Variants in NHLRC2 observed in about 807,000 individuals in gnomAD.
The protein encoded by NHLRC2 is NHL repeat-containing protein 2.
In NHLRC2, 33 loss-of-function variants were observed where a neutral mutation model predicts 68.1. The observed-to-expected ratio is 0.48, with a 90% CI of 0.37 to 0.65. The LOEUF (loss-of-function observed/expected upper bound fraction) is 0.65. Ranked by LOEUF, NHLRC2 falls within the 30% of genes least tolerant of loss-of-function variation. The pLI, the probability that NHLRC2 is intolerant of heterozygous loss-of-function variation, is 0.00. For missense variants in NHLRC2, 761 were observed against 853.8 expected, an observed-to-expected ratio of 0.89 and a Z score of 1.35; for synonymous variants, 311 against 309.6, an observed-to-expected ratio of 1.00 and a Z score of -0.05.
intron 5 of NHLRC2, among the ~76,000 whole-genome samples, chr10:113,894,845 A>T (rs1270991126): frequency 6.6e-6 from 1 of 152,148 alleles, no homozygotes; most frequent in East Asian, 1.9e-4. Flanking sequence ...GCCCTATCAG[A>T]TCCCAGATCC....
chr10:113,878,613 C>T (rs1460938235), intron 3 of NHLRC2, among the ~76,000 whole-genome samples: 2 of 152,080 alleles, frequency 1.3e-5, no homozygotes, highest in African/African-American at 4.8e-5. Context: ...CTGCAGCCTC[C>T]ACCTCCTGGG....
intron 5 of NHLRC2, among the ~76,000 whole-genome samples, chr10:113,894,600 A>G (rs1437203014): frequency 6.6e-6 from 1 of 151,712 alleles, no homozygotes; most frequent in East Asian, 1.9e-4. Context: ...TAGGACCTCC[A>G]TAAGGTGTTA....
Position 113,911,155 on chromosome 10 carries a change from G to A in NHLRC2, c.*2619G>A, listed in dbSNP as rs180722231. The A allele has an allele frequency of 1.9e-4, 29 of 152,052 alleles. No individual in the cohort carries two copies. The highest frequency in any genetic ancestry group is 7.0e-4 in the African/African-American group (29 of 41,512). 9.4% of individuals were successfully genotyped at this position (152,052 alleles called of 1,614,324 possible). A position where few individuals can be genotyped will look rare whatever the true frequency, so the allele number is the denominator to read the frequency against. ...ACCTCACTTGAAATGCCAGTAATGT[G>A]GTATTACACACATTTTATATAATAC... On this transcript the variant is annotated 3_prime_UTR_variant, in exon 11 of 11. Coordinates refer to ENST00000369301, the MANE Select transcript of NHLRC2 (RefSeq NM_198514.4).
At chr10:113,895,875 A>G (rs1846171845) in intron 5 of NHLRC2, among the ~76,000 whole-genome samples, 1 of 152,230 alleles carries the variant, frequency 6.6e-6, no homozygotes, top group Non-Finnish European at 1.5e-5. Context: ...TTCATTGAGA[A>G]AAATGGGAGA....
rs2134751207 is a variant in NHLRC2, at chr10:113,915,357, C to T, written c.*6821C>T. 2 of 400,434 alleles carry T rather than the reference C, an allele frequency of 5.0e-6. No homozygotes were observed. The highest frequency in any genetic ancestry group is 5.5e-5 in the Admixed American group (2 of 36,082). The allele number at this position is 400,434 out of a possible 1,614,324, so 24.8% of individuals were successfully genotyped here. A position where few individuals can be genotyped will look rare whatever the true frequency, so the allele number is the denominator to read the frequency against. Reference sequence around the variant, plus strand: ...AAAAGCATTCTTGTAACTGTCAGGGCATGGTATGAATTCCTTCCTCTTTAA... The same window carrying T: ...AAAAGCATTCTTGTAACTGTCAGGGTATGGTATGAATTCCTTCCTCTTTAA... On this transcript the variant is annotated 3_prime_UTR_variant, in exon 11 of 11. Coordinates refer to ENST00000369301, the MANE Select transcript of NHLRC2 (RefSeq NM_198514.4).
At chr10:113,866,943 A>G (rs905119796) in intron 2 of NHLRC2, among the ~76,000 whole-genome samples, 1 of 152,114 alleles carries the variant, frequency 6.6e-6, no homozygotes, top group African/African-American at 2.4e-5. Flanking sequence ...GAGTCAACCC[A>G]AGGTGCTCTT....
chr10:113,884,151 C>T lies in NHLRC2; in HGVS notation c.910-100C>T, dbSNP rs1020997146. 9.6e-6 allele frequency: 10 copies of T among 1,046,916 alleles called. No homozygotes were observed. In the Admixed American group the frequency reaches 2.0e-4, roughly 21 times the overall value. The allele number at this position is 1,046,916 out of a possible 1,614,324, so 64.9% of individuals were successfully genotyped here. The stretch of plus-strand genomic sequence containing the variant: ...ATAATAAAACTTTGTACTGCACATA[C>T]ACTCTAAATGTTCTATTGACTATTG... On this transcript the variant is annotated intron_variant, in intron 4 of 10. Transcript: ENST00000369301.
At chr10:113,896,265 T>C (rs190445683) in intron 5 of NHLRC2, among the ~76,000 whole-genome samples, 1,674 of 151,900 alleles carry the variant, frequency 0.011, 29 homozygotes, top group African/African-American at 0.037. Context: ...TGGAACCAAC[T>C]CAAATGTCCA....
intron 2 of NHLRC2, among the ~76,000 whole-genome samples, chr10:113,861,815 C>T (rs1459228858): frequency 6.6e-6 from 1 of 151,958 alleles, no homozygotes; most frequent in African/African-American, 2.4e-5. Flanking sequence ...ATTTAAGAGA[C>T]TACTATATTT....
chr10:113,879,287 G>A (rs1354873162), intron 3 of NHLRC2, among the ~76,000 whole-genome samples: 1 of 152,090 alleles, frequency 6.6e-6, no homozygotes, highest in Non-Finnish European at 1.5e-5. Context: ...AACAATTGGA[G>A]TTATTTTTAA....
chr10:113,886,444 A>G (rs1282873198), intron 5 of NHLRC2, among the ~76,000 whole-genome samples: 1 of 152,194 alleles, frequency 6.6e-6, no homozygotes, highest in Non-Finnish European at 1.5e-5. Flanking sequence ...AGTCTTGAGC[A>G]GAAAGAACAA....
rs1845726345 is a variant in NHLRC2 at position 113,854,842 on chromosome 10, CCG to C, written c.-30_-29del. ...CTCCCAGCGAGACTCTCCCGCGGGCCCGGCGGCCGCATCGGGAGCCCGGCGGA... is the reference window on the plus strand; with the variant it reads ...CTCCCAGCGAGACTCTCCCGCGGGCCGCGGCCGCATCGGGAGCCCGGCGGA... On this transcript the variant is annotated 5_prime_UTR_variant, in exon 1 of 11. Coordinates refer to ENST00000369301, the MANE Select transcript of NHLRC2 (RefSeq NM_198514.4). The C allele has an allele frequency of 2.6e-6, 4 of 1,525,308 alleles. No individual in the cohort carries two copies. Among genetic ancestry groups the C allele is most frequent in the African/African-American group, 1.4e-5 (1 of 72,040 alleles). The allele number at this position is 1,525,308 out of a possible 1,614,324, so 94.5% of individuals were successfully genotyped here.
intron 3 of NHLRC2, among the ~76,000 whole-genome samples, chr10:113,877,602 CT>C (rs1438806403): frequency 6.6e-6 from 1 of 152,100 alleles, no homozygotes; most frequent in Non-Finnish European, 1.5e-5. Flanking sequence ...TTGGTTACAT[CT>C]ACATAATTAA....
chr10:113,908,229 A>C (rs1308784376), intron 10 of NHLRC2, 51 bp from the exon 11 acceptor site: 2 of 1,401,264 alleles, frequency 1.4e-6, no homozygotes, highest in Non-Finnish European at 2.0e-6. Context: ...AGATGTTCCC[A>C]GTTTTCTACT....
At chr10:113,862,406 A>G (rs1845825089) in intron 2 of NHLRC2, among the ~76,000 whole-genome samples, 1 of 152,090 alleles carries the variant, frequency 6.6e-6, no homozygotes, top group African/African-American at 2.4e-5. Flanking sequence ...ACCACAAAAA[A>G]AAAGAAAGAA....
chr10:113,900,801 T>C (rs1456848732), intron 6 of NHLRC2, among the ~76,000 whole-genome samples: 1 of 152,180 alleles, frequency 6.6e-6, no homozygotes, highest in African/African-American at 2.4e-5. Context: ...TAACTTATTA[T>C]GGGAACATAT....
chr10:113,879,769 G>A, intron 4 of NHLRC2, 74 bp downstream of exon 4: 1 of 1,010,682 alleles, frequency 9.9e-7, no homozygotes, highest in South Asian at 1.7e-5. Flanking sequence ...TTAAATATTT[G>A]AAGTTAAAGC....
chr10:113,909,739 G>C lies in NHLRC2; in HGVS notation c.*1203G>C, dbSNP rs763326476. The C allele has an allele frequency of 1.3e-5, 2 of 151,822 alleles. No individual in the cohort carries two copies. Among genetic ancestry groups the C allele is most frequent in the African/African-American group, 4.8e-5 (2 of 41,358 alleles). 9.4% of individuals were successfully genotyped at this position (151,822 alleles called of 1,614,324 possible). A position where few individuals can be genotyped will look rare whatever the true frequency, so the allele number is the denominator to read the frequency against. ...TATAACTACTTAAAAGCCTAATCTT[G>C]TTTTCCTTAAGACCTATTCAACATG... On this transcript the variant is annotated 3_prime_UTR_variant, in exon 11 of 11. Coordinates refer to ENST00000369301, the MANE Select transcript of NHLRC2 (RefSeq NM_198514.4).
intron 2 of NHLRC2, among the ~76,000 whole-genome samples, chr10:113,864,826 G>A (rs1589535360): frequency 6.6e-6 from 1 of 152,070 alleles, no homozygotes; most frequent in Non-Finnish European, 1.5e-5. Context: ...GCTGGCTCCT[G>A]TAGGCTGGTG....
Sources: allele counts gnomAD v4.1 joint callset (sites outside exome capture counted in the v4.1 genomes callset), GRCh38; gene constraint gnomAD v4.1.1; transcripts MANE v1.5; gene names NCBI Gene and HGNC (gene_info 2026-07-23, HGNC 2026-07-21).